The following NHSL3 variants were observed in gnomAD, a reference collection of about 807,000 sequenced individuals.
NHSL3 encodes NHS like 3.
the NHSL3 span, chr1:32,754,102 C>T: frequency 1.4e-6 from 1 of 702,964 alleles, no homozygotes. Flanking sequence ...GGGGAACTCA[C>T]ACCACAAGAG....
the NHSL3 span, chr1:32,771,615 C>T: frequency 6.2e-7 from 1 of 1,613,234 alleles, no homozygotes; most frequent in Non-Finnish European, 8.5e-7. Flanking sequence ...CAGAGCTTGT[C>T]AGCTCCCCGG....
chr1:32,745,350 G>A, the NHSL3 span, among the ~76,000 whole-genome samples: 2 of 151,778 alleles, frequency 1.3e-5, no homozygotes, highest in African/African-American at 4.8e-5. Flanking sequence ...ATGAGGTCGC[G>A]AGTTTAAGAC....
chr1:32,769,300 C>T, the NHSL3 span, among the ~76,000 whole-genome samples: 1 of 152,098 alleles, frequency 6.6e-6, no homozygotes, highest in Non-Finnish European at 1.5e-5. Flanking sequence ...TGTTGGAAGC[C>T]TGGTGTAACT....
the NHSL3 span, chr1:32,770,478 C>G: frequency 6.3e-7 from 1 of 1,583,542 alleles, no homozygotes; most frequent in Non-Finnish European, 8.6e-7. This position sits in a 1 kb window ranked among gnomAD's most constrained non-coding sequence, Gnocchi z 8.3. Context: ...CCACCCTCTC[C>G]TCTAAGGGTG....
At chr1:32,765,301 G>A in the NHSL3 span, among the ~76,000 whole-genome samples, 2 of 120,694 alleles carry the variant, frequency 1.7e-5, no homozygotes, top group African/African-American at 2.6e-5. Context: ...TGCAGGCTCC[G>A]AGCTCTTTCC....
chr1:32,741,909 G>C, the NHSL3 span: 2 of 317,568 alleles, frequency 6.3e-6, no homozygotes, highest in Non-Finnish European at 9.1e-6. The surrounding 1 kb of genome is among the most constrained non-coding windows in gnomAD (Gnocchi z 4.3). Flanking sequence ...CATGGGCACC[G>C]CGCCGCAGGG....
At chr1:32,744,986 C>T in the NHSL3 span, among the ~76,000 whole-genome samples, 2 of 151,862 alleles carry the variant, frequency 1.3e-5, no homozygotes. Flanking sequence ...ATTTGCCAGA[C>T]AAGGTGGCGT....
the NHSL3 span, among the ~76,000 whole-genome samples, chr1:32,756,025 C>T: frequency 1.3e-5 from 2 of 152,206 alleles, no homozygotes; most frequent in Non-Finnish European, 2.9e-5. Context: ...TGCCTACTGG[C>T]CCTTGAGGAA....
chr1:32,756,470 A>G, the NHSL3 span, among the ~76,000 whole-genome samples: 2 of 50,538 alleles, frequency 4.0e-5, no homozygotes, highest in African/African-American at 7.7e-5. Flanking sequence ...ACATGACGAG[A>G]CCCCCCCCCC....
At chr1:32,767,977 C>T in the NHSL3 span, 1 of 1,611,828 alleles carries the variant, frequency 6.2e-7, no homozygotes, top group Non-Finnish European at 8.5e-7. Context: ...CTCTCCACTC[C>T]CCTCCCCTCT....
the NHSL3 span, among the ~76,000 whole-genome samples, chr1:32,769,209 G>A: frequency 6.6e-6 from 1 of 151,608 alleles, no homozygotes; most frequent in African/African-American, 2.4e-5. Flanking sequence ...AGCCGAGATT[G>A]CACCACTGCA....
the NHSL3 span, among the ~76,000 whole-genome samples, chr1:32,744,551 G>T: frequency 6.6e-6 from 1 of 152,178 alleles, no homozygotes; most frequent in Non-Finnish European, 1.5e-5. Context: ...AAGGCTTGAA[G>T]ATCTTCTTGT....
chr1:32,747,480 A>G, the NHSL3 span, among the ~76,000 whole-genome samples: 1 of 151,870 alleles, frequency 6.6e-6, no homozygotes, highest in South Asian at 2.1e-4. Context: ...GCCGACAAAG[A>G]TGGGGTTTAA....
the NHSL3 span, chr1:32,773,268 G>C: frequency 1.5e-5 from 4 of 258,694 alleles, no homozygotes; most frequent in South Asian, 7.1e-5. Flanking sequence ...ACATACTATA[G>C]TCCAGAATCA....
chr1:32,749,552 T>A, the NHSL3 span, among the ~76,000 whole-genome samples: 1 of 152,144 alleles, frequency 6.6e-6, no homozygotes, highest in Non-Finnish European at 1.5e-5. Context: ...CAAGTTCACA[T>A]GGCCATCTAG....
chr1:32,754,921 C>T, the NHSL3 span, among the ~76,000 whole-genome samples: 5 of 151,456 alleles, frequency 3.3e-5, no homozygotes, highest in African/African-American at 4.9e-5. Flanking sequence ...CTTCTCCCCG[C>T]CTCCCCCCCT....
At chr1:32,758,170 C>T in the NHSL3 span, among the ~76,000 whole-genome samples, 15 of 152,256 alleles carry the variant, frequency 9.9e-5, no homozygotes, top group South Asian at 2.1e-4. Context: ...GGGATCCACC[C>T]AACTCTCCCC....
At chr1:32,760,077 C>A in the NHSL3 span, among the ~76,000 whole-genome samples, 6 of 152,192 alleles carry the variant, frequency 3.9e-5, no homozygotes, top group South Asian at 2.1e-4. Flanking sequence ...GGAGCGGGGG[C>A]CTTCGTTTGT....
chr1:32,758,203 G>T, the NHSL3 span, among the ~76,000 whole-genome samples: 5 of 152,246 alleles, frequency 3.3e-5, no homozygotes, highest in African/African-American at 1.2e-4. Context: ...CTGAGCACTC[G>T]GTCCTGGGTA....
Sources: allele counts gnomAD v4.1 joint callset (sites outside exome capture counted in the v4.1 genomes callset), GRCh38; gene constraint gnomAD v4.1.1; non-coding constraint Gnocchi (gnomAD v3.1); transcripts MANE v1.5; gene names NCBI Gene and HGNC (gene_info 2026-07-23, HGNC 2026-07-21).